MBD5: variants seen among roughly 807,000 people sequenced by gnomAD.
MBD5 encodes the protein methyl-CpG-binding domain protein 5.
A neutral mutation model predicts 117.3 loss-of-function variants in MBD5; 13 were observed. That is an observed-to-expected ratio of 0.11 (90% CI 0.07 to 0.18). MBD5 has a LOEUF of 0.18. MBD5 is among the 10% of genes least tolerant of loss of function. The probability of loss-of-function intolerance (pLI) is 1.00; values close to 1 mark genes in which losing one functional copy is unlikely to be tolerated. For missense variants in MBD5, 1,879 were observed against 2,093.8 expected (o/e 0.90, Z 2.00); for synonymous variants, 727 against 766.4 (o/e 0.95, Z 0.85).
At chr2:148,332,463 T>C (rs1490230606) in intron 3 of MBD5, among the ~76,000 whole-genome samples, 2 of 152,332 alleles carry the variant, frequency 1.3e-5, no homozygotes, top group Non-Finnish European at 2.9e-5. Flanking sequence ...TGCCCCTGTT[T>C]TGAGTTGGAT....
chr2:148,046,764 ACTC>A (rs1694546744), intron 1 of MBD5, among the ~76,000 whole-genome samples: 1 of 151,996 alleles, frequency 6.6e-6, no homozygotes, highest in African/African-American at 2.4e-5. Context: ...ACTTTTCTGT[ACTC>A]TGGGCCATAT....
intron 8 of MBD5, 140 bp downstream of exon 8, chr2:148,470,601 A>T (rs954168158): frequency 1.4e-6 from 1 of 708,712 alleles, no homozygotes; most frequent in Non-Finnish European, 2.2e-6. Flanking sequence ...AGTATTTATA[A>T]TTTTATTTAC....
At chr2:148,195,965 A>G (rs1698976273) in intron 2 of MBD5, among the ~76,000 whole-genome samples, 1 of 152,236 alleles carries the variant, frequency 6.6e-6, no homozygotes. Context: ...CAACAAGGAA[A>G]TAACATAAGG....
chr2:148,433,154 T>A (rs2105349327), intron 4 of MBD5, among the ~76,000 whole-genome samples: 1 of 152,304 alleles, frequency 6.6e-6, no homozygotes, highest in Non-Finnish European at 1.5e-5. Context: ...GTTCCTGATT[T>A]GACCTCAGCT....
chr2:148,059,617 G>A (rs1398970784), intron 1 of MBD5, among the ~76,000 whole-genome samples: 30 of 152,122 alleles, frequency 2.0e-4, no homozygotes, highest in Admixed American at 2.0e-3. Flanking sequence ...GGAGGCCGAG[G>A]CGGGCGGATC....
chr2:148,337,428 G>T (rs1443285095), intron 3 of MBD5, among the ~76,000 whole-genome samples: 2 of 152,156 alleles, frequency 1.3e-5, no homozygotes, highest in African/African-American at 4.8e-5. Context: ...TATATGTCCT[G>T]ATATGATCAG....
intron 3 of MBD5, among the ~76,000 whole-genome samples, chr2:148,270,019 T>G (rs935781624): frequency 1.3e-5 from 2 of 152,124 alleles, no homozygotes; most frequent in African/African-American, 4.8e-5. Context: ...CTTTAAGATA[T>G]CCTCCTCTTG....
chr2:148,079,979 A>G (rs756649795), intron 1 of MBD5, among the ~76,000 whole-genome samples: 2 of 152,214 alleles, frequency 1.3e-5, no homozygotes, highest in Admixed American at 1.3e-4. Flanking sequence ...TGTTGTCATG[A>G]TGTTAATAGA....
chr2:148,501,983 C>T (rs1048312405), intron 11 of MBD5, among the ~76,000 whole-genome samples: 10 of 152,164 alleles, frequency 6.6e-5, no homozygotes, highest in Non-Finnish European at 1.0e-4. Flanking sequence ...TTTACTCCTA[C>T]TAGGAAGTGA....
Position 148,483,951 on chromosome 2 carries a change from C to CACT in MBD5, c.3363_3365dup (p.Thr1122dup). On this transcript the variant is annotated inframe_insertion, in exon 9 of 14. Transcript: ENST00000642680. ...CCTCCCAGGCAACCACTACCACAAC[C>CACT]ACTACATCATCAGCAGTGGCAGCAC... The CACT allele has an allele frequency of 1.9e-6, 3 of 1,550,486 alleles. No homozygotes were observed. Among genetic ancestry groups the CACT allele is most frequent in the Non-Finnish European group, 2.6e-6 (3 of 1,146,920 alleles).
intron 4 of MBD5, among the ~76,000 whole-genome samples, chr2:148,380,580 C>G (rs1347236100): frequency 3.3e-5 from 5 of 152,154 alleles, no homozygotes; most frequent in African/African-American, 1.2e-4. Context: ...TATATATAGT[C>G]TTAATCACTT....
intron 3 of MBD5, among the ~76,000 whole-genome samples, chr2:148,260,002 A>G (rs1176975916): frequency 1.3e-5 from 2 of 152,200 alleles, no homozygotes; most frequent in Admixed American, 6.5e-5. Flanking sequence ...TTTAGCCTCA[A>G]TGTCGACATC....
intron 1 of MBD5, among the ~76,000 whole-genome samples, chr2:148,079,774 T>A (rs1695598624): frequency 6.6e-6 from 1 of 151,842 alleles, no homozygotes; most frequent in Non-Finnish European, 1.5e-5. Context: ...GTAGAATAGC[T>A]TAACCCCGGG....
intron 1 of MBD5, among the ~76,000 whole-genome samples, chr2:148,036,357 T>C (rs1289474719): frequency 6.6e-6 from 1 of 152,148 alleles, no homozygotes; most frequent in Non-Finnish European, 1.5e-5. Context: ...ATTCTCCTCA[T>C]TGAGAATTCA....
intron 1 of MBD5, among the ~76,000 whole-genome samples, chr2:148,150,850 A>G (rs931432902): frequency 1.3e-5 from 2 of 152,290 alleles, no homozygotes; most frequent in African/African-American, 4.8e-5. Flanking sequence ...GGCTGAGACA[A>G]TGGGGTGTTC....
chr2:148,080,492 C>T (rs553648450), intron 1 of MBD5, among the ~76,000 whole-genome samples: 131 of 152,020 alleles, frequency 8.6e-4, no homozygotes, highest in Non-Finnish European at 1.6e-3. Flanking sequence ...TATAATAATG[C>T]TTTTTTTAAA....
At chr2:148,381,302 C>T (rs1407455954) in intron 4 of MBD5, among the ~76,000 whole-genome samples, 5 of 152,172 alleles carry the variant, frequency 3.3e-5, no homozygotes, top group Admixed American at 2.0e-4. Context: ...AACCCAGGCA[C>T]GAGAACTACG....
intron 1 of MBD5, among the ~76,000 whole-genome samples, chr2:148,122,447 G>A (rs145252984): frequency 1.6e-3 from 251 of 152,218 alleles, no homozygotes; most frequent in African/African-American, 5.7e-3. Flanking sequence ...AGAGTTTTCA[G>A]GTAAAGTTAA....
intron 3 of MBD5, among the ~76,000 whole-genome samples, chr2:148,294,287 T>G (rs1355149898): frequency 4.1e-5 from 6 of 146,998 alleles, no homozygotes; most frequent in African/African-American, 1.5e-4. Context: ...TGCAGTGGCG[T>G]GATCTCGGCT....
Sources: allele counts gnomAD v4.1 joint callset (sites outside exome capture counted in the v4.1 genomes callset), GRCh38; gene constraint gnomAD v4.1.1; transcripts MANE v1.5; gene names NCBI Gene and HGNC (gene_info 2026-07-23, HGNC 2026-07-21).